Variants in EPM2A observed in about 807,000 individuals in gnomAD.
EPM2A encodes the protein laforin.
A neutral mutation model predicts 26.5 loss-of-function variants in EPM2A; 21 were observed. That is an observed-to-expected ratio of 0.79 (90% CI 0.56 to 1.14). The LOEUF (loss-of-function observed/expected upper bound fraction) is 1.14. Among genes scored for constraint, EPM2A ranks in the 50% most tolerant of loss-of-function variants. The pLI is 0.00. For synonymous variants in EPM2A, 217 were observed against 177.6 expected (o/e 1.22, Z -1.76); for missense variants, 458 against 440.8 (o/e 1.04, Z -0.35).
intron 4 of EPM2A, among the ~76,000 whole-genome samples, chr6:145,412,004 G>A (rs1156604053): frequency 2.0e-5 from 3 of 152,042 alleles, no homozygotes; most frequent in Admixed American, 2.0e-4. Flanking sequence ...CGGATCACCA[G>A]GTCAGGAGTT....
At chr6:145,558,035 G>T (rs1780753482) in intron 2 of EPM2A, among the ~76,000 whole-genome samples, 1 of 151,994 alleles carries the variant, frequency 6.6e-6, no homozygotes, top group African/African-American at 2.4e-5. Flanking sequence ...TGTTTTCTGT[G>T]CCTGGCTTAT....
chr6:145,488,609 C>T (rs1779710505), intron 4 of EPM2A, among the ~76,000 whole-genome samples: 1 of 151,584 alleles, frequency 6.6e-6, no homozygotes, highest in Non-Finnish European at 1.5e-5. Context: ...TTTAACCCCA[C>T]AGTTTAGCAC....
intron 2 of EPM2A, among the ~76,000 whole-genome samples, chr6:145,618,344 TTATAAGAATGACAAC>T (rs1775559057): frequency 6.6e-6 from 1 of 152,180 alleles, no homozygotes; most frequent in South Asian, 2.1e-4. Flanking sequence ...TGGGAGATGG[TTATAAGAATGACAAC>T]AGAGATTGGA....
In EPM2A at chr6:145,627,004, A is replaced by G; in HGVS notation, c.*412T>C. ...ACTGACCAGCTCACGCACACATACT[A>G]GTGATGAAATCCACATAACTCCATA... On this transcript the variant is annotated 3_prime_UTR_variant, in exon 4 of 4. Transcript: ENST00000367519. 1 of 1,104,288 alleles carries G rather than the reference A, an allele frequency of 9.1e-7. No individual in the cohort carries two copies. The highest frequency in any genetic ancestry group is 1.1e-6 in the Non-Finnish European group (1 of 901,122). The allele number at this position is 1,104,288 out of a possible 1,614,324, so 68.4% of individuals were successfully genotyped here. A position where few individuals can be genotyped will look rare whatever the true frequency, so the allele number is the denominator to read the frequency against.
At chr6:145,502,685 C>G (rs1378923797) in intron 2 of EPM2A, 1 of 431,270 alleles carries the variant, frequency 2.3e-6, no homozygotes, top group Non-Finnish European at 4.8e-6. Context: ...TAAACAGTGA[C>G]TATTTCCTAT....
intron 2 of EPM2A, among the ~76,000 whole-genome samples, chr6:145,654,376 T>C (rs906270586): frequency 1.3e-5 from 2 of 152,210 alleles, no homozygotes; most frequent in African/African-American, 4.8e-5. Context: ...AGACAGGGTT[T>C]CTCCATGTTG....
intron 4 of EPM2A, among the ~76,000 whole-genome samples, chr6:145,411,135 A>G (rs1778637546): frequency 6.6e-6 from 1 of 152,188 alleles, no homozygotes. Flanking sequence ...GCCACAGAAT[A>G]ATAGAAGCAG....
At chr6:145,605,241 C>T (rs147942170) in intron 2 of EPM2A, among the ~76,000 whole-genome samples, 6 of 152,248 alleles carry the variant, frequency 3.9e-5, no homozygotes, top group Admixed American at 1.3e-4. Flanking sequence ...TTCAGCAATT[C>T]AAATTCCAAC....
At chr6:145,612,670 C>G (rs780648958) in intron 2 of EPM2A, among the ~76,000 whole-genome samples, 1 of 148,840 alleles carries the variant, frequency 6.7e-6, no homozygotes, top group Non-Finnish European at 1.5e-5. Context: ...CTTATAAAAG[C>G]TATGTTTATA....
chr6:145,705,004 G>C (rs1051000080), intron 1 of EPM2A, among the ~76,000 whole-genome samples: 1 of 152,186 alleles, frequency 6.6e-6, no homozygotes, highest in African/African-American at 2.4e-5. Flanking sequence ...AAGGAAGATG[G>C]AGTGTATTCC....
At chr6:145,578,138 A>G (rs1781060768) in intron 2 of EPM2A, among the ~76,000 whole-genome samples, 1 of 152,126 alleles carries the variant, frequency 6.6e-6, no homozygotes, top group African/African-American at 2.4e-5. Flanking sequence ...CATCTTAAAG[A>G]ACTAGAAAAT....
chr6:145,730,281 A>C (rs1776421157), intron 1 of EPM2A, among the ~76,000 whole-genome samples: 1 of 152,244 alleles, frequency 6.6e-6, no homozygotes, highest in Admixed American at 6.5e-5. Flanking sequence ...AATTCTAAAC[A>C]TAAAACAAAG....
intron 4 of EPM2A, among the ~76,000 whole-genome samples, chr6:145,459,845 C>T (rs1456904290): frequency 6.6e-6 from 1 of 152,056 alleles, no homozygotes; most frequent in Non-Finnish European, 1.5e-5. Flanking sequence ...TTATAATCTA[C>T]TTTAGGAAGT....
At chr6:145,561,154 T>A (rs1434932822) in intron 2 of EPM2A, among the ~76,000 whole-genome samples, 10 of 52,696 alleles carry the variant, frequency 1.9e-4, no homozygotes, top group Admixed American at 1.2e-3. Context: ...CTTTTATACC[T>A]TTTTTTTTTT....
At chr6:145,660,223 A>T (rs1412300394) in intron 2 of EPM2A, among the ~76,000 whole-genome samples, 1 of 152,196 alleles carries the variant, frequency 6.6e-6, no homozygotes, top group Non-Finnish European at 1.5e-5. Flanking sequence ...AGGTATTATT[A>T]ATTCAGGCTG....
chr6:145,689,262 T>C (rs1781125983), intron 1 of EPM2A, among the ~76,000 whole-genome samples: 1 of 152,208 alleles, frequency 6.6e-6, no homozygotes, highest in Non-Finnish European at 1.5e-5. Flanking sequence ...GGATGGGTTA[T>C]TGTCTTTTTA....
At chr6:145,635,514 C>A in intron 2 of EPM2A, 28 bp from the exon 3 acceptor site, 1 of 1,612,320 alleles carries the variant, frequency 6.2e-7, no homozygotes, top group South Asian at 1.1e-5. Flanking sequence ...AGACAACTAT[C>A]ACTAGTGTTG....
At chr6:145,442,147 G>T (rs1236674968) in intron 4 of EPM2A, among the ~76,000 whole-genome samples, 2 of 152,116 alleles carry the variant, frequency 1.3e-5, no homozygotes, top group African/African-American at 4.8e-5. Context: ...TCAGCATTTT[G>T]GTCAAAGCCA....
At chr6:145,490,404 G>C (rs1449093984) in intron 4 of EPM2A, 1 of 827,952 alleles carries the variant, frequency 1.2e-6, no homozygotes, top group African/African-American at 1.7e-5. Flanking sequence ...GACATTTGAG[G>C]GTGCTATTTC....
Sources: gnomAD v4.1 joint callset for allele counts (sites outside exome capture counted in the v4.1 genomes callset) on GRCh38, gnomAD v4.1.1 for gene constraint, MANE v1.5 for transcripts, NCBI Gene and HGNC (gene_info 2026-07-23, HGNC 2026-07-21) for gene names.